ATP2C2: variants seen among roughly 807,000 people sequenced by gnomAD.
ATP2C2 encodes ATPase secretory pathway Ca2+ transporting 2.
ATP2C2 carries 171 observed loss-of-function variants against 110.8 expected under a neutral mutation model. The ratio of observed to expected loss-of-function variants is 1.54; its 90% CI spans 1.36 to 1.75. The LOEUF is 1.75. Among genes scored for constraint, ATP2C2 ranks in the 40% most tolerant of loss-of-function variants. The pLI is 0.00. For synonymous variants in ATP2C2, 804 were observed against 508.4 expected (o/e 1.58, Z -7.82); for missense variants, 1,963 against 1,235.0 (o/e 1.59, Z -8.84).
chr16:84,428,107 C>G (rs553657299), intron 11 of ATP2C2, among the ~76,000 whole-genome samples: 102 of 152,266 alleles, frequency 6.7e-4, no homozygotes, highest in Non-Finnish European at 1.2e-3. Flanking sequence ...CAGACAAACT[C>G]CTGGTGGATT....
At chr16:84,459,071 G>T in intron 21 of ATP2C2, 49 bp from the exon 22 acceptor site, 4 of 1,600,006 alleles carry the variant, frequency 2.5e-6, no homozygotes, top group Non-Finnish European at 3.4e-6. Flanking sequence ...CACTGGTCCA[G>T]CCCTCACGCA....
chr16:84,460,544 G>A, intron 23 of ATP2C2, 110 bp from the exon 24 acceptor site: 2 of 1,492,916 alleles, frequency 1.3e-6, no homozygotes, highest in Non-Finnish European at 9.3e-7. Context: ...CAAATGCCTG[G>A]CCCTGCCCCC....
chr16:84,418,056 C>T (rs1399230654), intron 7 of ATP2C2, among the ~76,000 whole-genome samples: 1 of 152,156 alleles, frequency 6.6e-6, no homozygotes. Context: ...AGGAAGCCCT[C>T]AGTCAGAGGC....
At chr16:84,454,780 G>A (rs138478313) in intron 20 of ATP2C2, 38 bp from the exon 21 acceptor site, 12 of 1,534,262 alleles carry the variant, frequency 7.8e-6, no homozygotes, top group African/African-American at 4.2e-5. Context: ...GGAGGTGGTC[G>A]TCAGGCTGCA....
At chr16:84,396,642 G>T (rs1026032606) in intron 1 of ATP2C2, among the ~76,000 whole-genome samples, 2 of 151,742 alleles carry the variant, frequency 1.3e-5, no homozygotes, top group Admixed American at 6.6e-5. Context: ...TGTGGGGGAT[G>T]GGGGGAGTGC....
intron 1 of ATP2C2, among the ~76,000 whole-genome samples, chr16:84,369,695 T>A (rs1364786249): frequency 6.6e-6 from 1 of 152,232 alleles, no homozygotes; most frequent in Non-Finnish European, 1.5e-5. Flanking sequence ...AAATTTTATT[T>A]TTTTCTCCCA....
chr16:84,461,836 C>G (rs777893489), intron 25 of ATP2C2, 24 bp downstream of exon 25: 18 of 1,610,488 alleles, frequency 1.1e-5, no homozygotes, highest in Non-Finnish European at 1.4e-5. Flanking sequence ...TGACCCTCCT[C>G]GCTGCAGAGC....
At chr16:84,414,240 C>T (rs746276023) in intron 6 of ATP2C2, among the ~76,000 whole-genome samples, 5 of 152,166 alleles carry the variant, frequency 3.3e-5, no homozygotes, top group South Asian at 2.1e-4. Flanking sequence ...GTTGCACAAA[C>T]GCCAAGAAAA....
chr16:84,446,947 C>G (rs528434994), intron 16 of ATP2C2, among the ~76,000 whole-genome samples: 1 of 152,154 alleles, frequency 6.6e-6, no homozygotes, highest in Non-Finnish European at 1.5e-5. Flanking sequence ...GTACGGAAGG[C>G]GTGTCTGTGT....
intron 1 of ATP2C2, among the ~76,000 whole-genome samples, chr16:84,381,143 T>G (rs1233102463): frequency 1.3e-5 from 2 of 152,088 alleles, no homozygotes; most frequent in Non-Finnish European, 2.9e-5. Flanking sequence ...TTATTATAGG[T>G]TTGGGGATAG....
At chr16:84,421,332 TG>T (rs753909245) in intron 7 of ATP2C2, among the ~76,000 whole-genome samples, 14 of 152,268 alleles carry the variant, frequency 9.2e-5, no homozygotes, top group Non-Finnish European at 1.9e-4. Flanking sequence ...GGGCATTACC[TG>T]GGTGACAGGC....
chr16:84,422,279 A>T, intron 7 of ATP2C2, 111 bp from the exon 8 acceptor site: 1 of 1,295,744 alleles, frequency 7.7e-7, no homozygotes, highest in Non-Finnish European at 1.1e-6. Flanking sequence ...CTGTAGGTTC[A>T]CTGTGTTCTT....
At chr16:84,374,581 G>T (rs776231977) in intron 1 of ATP2C2, among the ~76,000 whole-genome samples, 4 of 152,112 alleles carry the variant, frequency 2.6e-5, no homozygotes, top group Non-Finnish European at 5.9e-5. Context: ...TAAGGGTAAA[G>T]AATCCCAGAG....
chr16:84,451,880 A>T (rs1193031092), intron 17 of ATP2C2, 41 bp from the exon 18 acceptor site: 1 of 1,573,962 alleles, frequency 6.4e-7, no homozygotes, highest in Non-Finnish European at 8.6e-7. Context: ...GACGGCCCCT[A>T]AGCCCCCGGT....
At chr16:84,401,023 C>CT (rs1416625348) in intron 2 of ATP2C2, among the ~76,000 whole-genome samples, 2 of 152,218 alleles carry the variant, frequency 1.3e-5, no homozygotes, top group East Asian at 3.9e-4. Flanking sequence ...TGGGTTGTCT[C>CT]TTCACTTTGT....
chr16:84,440,705 A>G (rs1256442440), intron 13 of ATP2C2, 152 bp from the exon 14 acceptor site: 34 of 645,588 alleles, frequency 5.3e-5, no homozygotes, highest in East Asian at 1.1e-4. Flanking sequence ...CAATTAATCA[A>G]TAATCTTTCA....
At chr16:84,396,448 G>T (rs1051133379) in intron 1 of ATP2C2, among the ~76,000 whole-genome samples, 2 of 151,398 alleles carry the variant, frequency 1.3e-5, no homozygotes, top group South Asian at 4.2e-4. Flanking sequence ...TACTGGGGAG[G>T]GTGAGGCAGG....
At chr16:84,369,324 C>G (rs1448448183) in intron 1 of ATP2C2, among the ~76,000 whole-genome samples, 1 of 152,140 alleles carries the variant, frequency 6.6e-6, no homozygotes. Flanking sequence ...AGTGGCAAAG[C>G]TGTCAAATAA....
chr16:84,393,759 T>G (rs1025942954), intron 1 of ATP2C2, among the ~76,000 whole-genome samples: 235 of 88,862 alleles, frequency 2.6e-3, no homozygotes, highest in South Asian at 3.1e-3. Flanking sequence ...GGAGTGGGGG[T>G]GGAGGGGGCT....
Sources: gnomAD v4.1 joint callset for allele counts (sites outside exome capture counted in the v4.1 genomes callset) on GRCh38, gnomAD v4.1.1 for gene constraint, MANE v1.5 for transcripts, NCBI Gene and HGNC (gene_info 2026-07-23, HGNC 2026-07-21) for gene names.